NPY: variants seen among roughly 807,000 people sequenced by gnomAD.
The protein encoded by NPY is pro-neuropeptide Y.
A neutral mutation model predicts 13.2 loss-of-function variants in NPY; 11 were observed. The ratio of observed to expected loss-of-function variants is 0.83; its 90% CI spans 0.52 to 1.38. NPY has a LOEUF of 1.38. NPY is among the 40% of genes most tolerant of loss of function. NPY has a pLI of 0.00. For missense variants in NPY, 109 were observed against 125.1 expected (o/e 0.87, Z 0.61); for synonymous variants, 51 against 55.6 (o/e 0.92, Z 0.37).
At chr7:24,284,913 A>G (rs1787296372) in intron 1 of NPY, 2 of 424,022 alleles carry the variant, frequency 4.7e-6, no homozygotes, top group African/African-American at 4.1e-5. Flanking sequence ...GTGACCCAGC[A>G]GGAAGAACTT....
intron 2 of NPY, among the ~76,000 whole-genome samples, chr7:24,288,003 T>TTACA (rs1400858806): frequency 6.6e-6 from 1 of 152,148 alleles, no homozygotes; most frequent in Admixed American, 6.5e-5. Flanking sequence ...TCTTTGAAAG[T>TTACA]TACAGCATTG....
In NPY at chr7:24,289,576, C is replaced by T; in HGVS notation, c.266C>T (p.Thr89Ile). 6.2e-7 allele frequency: 1 copy of T among 1,608,608 alleles called. No individual in the cohort carries two copies. Among genetic ancestry groups the T allele is most frequent in the Non-Finnish European group, 8.5e-7 (1 of 1,177,150 alleles). The part of the protein sequence containing the change: ...MRESTENVPR[T>I]RLEDPAMW ...GAAAGCACAGAAAATGTTCCCAGAA[C>T]TCGGTATGACAAGGCTTGTGATGGG... The change falls in exon 3 of 4, where the codon ACT (threonine) becomes ATT (isoleucine). Residue 89 changes from threonine to isoleucine, a missense_variant. By Grantham distance (89) the Thr-to-Ile change is moderately conservative (BLOSUM62 -1). Transcript: ENST00000242152.
chr7:24,290,775 A>AATAATTATTATTATT (rs10701264), intron 3 of NPY, among the ~76,000 whole-genome samples: 5,841 of 129,550 alleles, frequency 0.045, 194 homozygotes, highest in African/African-American at 0.088. Context: ...TAATAATAAT[A>AATAATTATTATTATT]ATTATTATTA....
At chr7:24,287,141 A>G (rs1315739096) in intron 2 of NPY, among the ~76,000 whole-genome samples, 3 of 152,220 alleles carry the variant, frequency 2.0e-5, no homozygotes, top group Admixed American at 6.5e-5. Context: ...TGTCACCACC[A>G]TCAACAGGCA....
intron 3 of NPY, among the ~76,000 whole-genome samples, chr7:24,290,775 A>AATAATAATTATT (rs10701264): frequency 0.023 from 3,036 of 129,578 alleles, 50 homozygotes; most frequent in East Asian, 0.079. Flanking sequence ...TAATAATAAT[A>AATAATAATTATT]ATTATTATTA....
chr7:24,290,355 A>G (rs144353205), intron 3 of NPY, among the ~76,000 whole-genome samples: 1 of 152,246 alleles, frequency 6.6e-6, no homozygotes, highest in Non-Finnish European at 1.5e-5. Flanking sequence ...TAACCACAGT[A>G]AGATCATAGT....
chr7:24,291,646 C>G lies in NPY; in HGVS notation c.270-17C>G. The stretch of plus-strand genomic sequence containing the variant: ...TGGGCAGCTTTCCTTACATGCTTTG[C>G]TTCTTATGTTTTACAGGCTTGAAGA... On this transcript the variant is annotated splice_polypyrimidine_tract_variant and intron_variant, in intron 3 of 3. Coordinates refer to ENST00000242152, the MANE Select transcript of NPY (RefSeq NM_000905.4). 6.2e-7 allele frequency: 1 copy of G among 1,614,004 alleles called. No individual in the cohort carries two copies. The highest frequency in any genetic ancestry group is 8.5e-7 in the Non-Finnish European group (1 of 1,179,948).
In NPY at chr7:24,285,631, A is replaced by G. The variant is rs559033935; in HGVS notation, c.188+203A>G. 6.6e-6 allele frequency among the ~76,000 whole-genome samples: 1 copy of G among 152,068 alleles called. No homozygotes were observed. The highest frequency in any genetic ancestry group is 6.5e-5 in the Admixed American group (1 of 15,278). Reference sequence around the variant, plus strand: ...GGTACCTTCCATTTTGTGCAACTACAGTCACAGAGTCGTGATCCCCAGATT... The same window carrying G: ...GGTACCTTCCATTTTGTGCAACTACGGTCACAGAGTCGTGATCCCCAGATT... On this transcript the variant is annotated intron_variant, in intron 2 of 3. Transcript: ENST00000242152. The surrounding 1 kb of genome is among the most constrained non-coding windows in gnomAD (Gnocchi z 4.9).
intron 2 of NPY, among the ~76,000 whole-genome samples, chr7:24,288,197 G>A (rs764032453): frequency 2.0e-5 from 3 of 152,152 alleles, no homozygotes; most frequent in Admixed American, 6.5e-5. Context: ...ATGAGTTACA[G>A]TTGCCCTAGA....
At chr7:24,288,679 C>A (rs1424066399) in intron 2 of NPY, among the ~76,000 whole-genome samples, 1 of 121,364 alleles carries the variant, frequency 8.2e-6, no homozygotes, top group Non-Finnish European at 1.6e-5. Flanking sequence ...CCATATCCTG[C>A]TACAGGAGAA....
At chr7:24,286,694 G>C (rs1787395556) in intron 2 of NPY, among the ~76,000 whole-genome samples, 1 of 152,162 alleles carries the variant, frequency 6.6e-6, no homozygotes. Context: ...TTAAATAGTA[G>C]TTGTTTGTGA....
intron 3 of NPY, 115 bp downstream of exon 3, chr7:24,289,694 T>C: frequency 4.8e-6 from 3 of 630,020 alleles, no homozygotes; most frequent in Non-Finnish European, 8.0e-6. Context: ...CTAGGGGAGA[T>C]TTCGGCAGAA....
In NPY at chr7:24,285,875, G is replaced by A. The variant is rs1351459832; in HGVS notation, c.188+447G>A. Among the ~76,000 whole-genome samples the A allele has an allele frequency of 6.6e-6, 1 of 152,152 alleles. No individual in the cohort carries two copies. Among genetic ancestry groups the A allele is most frequent in the Non-Finnish European group, 1.5e-5 (1 of 68,032 alleles). On this transcript the variant is annotated intron_variant, in intron 2 of 3. Coordinates refer to ENST00000242152, the MANE Select transcript of NPY (RefSeq NM_000905.4). The surrounding 1 kb of genome is among the most constrained non-coding windows in gnomAD (Gnocchi z 4.9). The stretch of plus-strand genomic sequence containing the variant: ...AAACCAAACCAAGGAGTAAACTGCA[G>A]GGTTGCCACAGACATTGTCAGACTT...
At chr7:24,289,665 GCAC>G (rs1387223920) in intron 3 of NPY, 86 bp downstream of exon 3, 1 of 929,876 alleles carries the variant, frequency 1.1e-6, no homozygotes, top group East Asian at 2.6e-5. Flanking sequence ...CTGGTGGGAG[GCAC>G]CACCAGGCTT....
chr7:24,289,662 G>GCCTCCCACC, intron 3 of NPY, 83 bp downstream of exon 3: 1 of 1,007,340 alleles, frequency 9.9e-7, no homozygotes, highest in Non-Finnish European at 1.5e-6. Flanking sequence ...TGCCTGGTGG[G>GCCTCCCACC]AGGCACCACC....
chr7:24,287,507 A>G (rs1787436128), intron 2 of NPY, among the ~76,000 whole-genome samples: 1 of 137,996 alleles, frequency 7.2e-6, no homozygotes, highest in Admixed American at 8.1e-5. Flanking sequence ...TTTGCTGTAT[A>G]TATACCCCTG....
intron 3 of NPY, among the ~76,000 whole-genome samples, chr7:24,290,080 T>C (rs1400043607): frequency 6.6e-6 from 1 of 152,208 alleles, no homozygotes; most frequent in Non-Finnish European, 1.5e-5. Flanking sequence ...TTTTGACATA[T>C]TTTAATTCAA....
intron 3 of NPY, among the ~76,000 whole-genome samples, 171 bp downstream of exon 3, chr7:24,289,750 T>C (rs1335284635): frequency 6.6e-6 from 1 of 152,220 alleles, no homozygotes; most frequent in African/African-American, 2.4e-5. Flanking sequence ...TTTCATGTAC[T>C]CATTGTCAAA....
intron 2 of NPY, among the ~76,000 whole-genome samples, chr7:24,287,841 A>G (rs985457412): frequency 6.6e-6 from 1 of 152,122 alleles, no homozygotes; most frequent in Non-Finnish European, 1.5e-5. Context: ...TTATCAGGGG[A>G]GCTTTTAAAA....
Sources: allele counts gnomAD v4.1 joint callset (sites outside exome capture counted in the v4.1 genomes callset), GRCh38; gene constraint gnomAD v4.1.1; non-coding constraint Gnocchi (gnomAD v3.1); transcripts MANE v1.5; gene names NCBI Gene and HGNC (gene_info 2026-07-23, HGNC 2026-07-21).